Variants in SV2B observed in about 807,000 individuals in gnomAD.
SV2B encodes synaptic vesicle glycoprotein 2B, also known as solute carrier family 22 member B2.
Under a neutral mutation model 73.9 loss-of-function variants are expected in SV2B, and 41 were observed. The ratio of observed to expected loss-of-function variants is 0.56; its 90% CI spans 0.43 to 0.72. The LOEUF (loss-of-function observed/expected upper bound fraction) is 0.72, where lower values mean the gene tolerates loss of function less well. SV2B is among the 30% of genes least tolerant of loss of function. SV2B has a pLI of 0.00. For synonymous variants in SV2B, 314 were observed against 314.2 expected (o/e 1.00, Z 0.01); for missense variants, 764 against 857.8 (o/e 0.89, Z 1.37).
intron 1 of SV2B, among the ~76,000 whole-genome samples, chr15:91,221,875 C>A (rs974572540): frequency 6.6e-6 from 1 of 152,222 alleles, no homozygotes; most frequent in East Asian, 1.9e-4. Flanking sequence ...CACTGGCTCT[C>A]TTTTCTCAAA....
chr15:91,181,839 C>T (rs1407006623), intron 1 of SV2B, among the ~76,000 whole-genome samples: 2 of 151,654 alleles, frequency 1.3e-5, no homozygotes, highest in Non-Finnish European at 2.9e-5. Context: ...AAATTCACGG[C>T]ATCTGGTCTC....
intron 9 of SV2B, among the ~76,000 whole-genome samples, chr15:91,272,147 C>G (rs1043514195): frequency 1.3e-5 from 2 of 152,152 alleles, no homozygotes; most frequent in Non-Finnish European, 2.9e-5. Flanking sequence ...TTTTGGGGAT[C>G]TGGGGGCTCT....
Position 91,232,153 on chromosome 15 carries a change from G to A in SV2B, c.451+5439G>A, listed in dbSNP as rs759944941. 1.3e-5 allele frequency among the ~76,000 whole-genome samples: 2 copies of A among 152,074 alleles called. No individual in the cohort carries two copies. The highest frequency in any genetic ancestry group is 2.9e-5 in the Non-Finnish European group (2 of 68,008). On this transcript the variant is annotated intron_variant, in intron 2 of 12. Coordinates refer to ENST00000394232, the MANE Select transcript of SV2B (RefSeq NM_001323032.3). This position sits in a 1 kb window ranked among gnomAD's most constrained non-coding sequence, Gnocchi z 4.7. ...GTCTCAGAAGGGGGTGGCATGGAGG[G>A]GGGTCACTTCTGTGGCACAAAATAT...
intron 1 of SV2B, among the ~76,000 whole-genome samples, chr15:91,177,415 C>T (rs2044357766): frequency 6.6e-6 from 1 of 151,802 alleles, no homozygotes; most frequent in Admixed American, 6.6e-5. Flanking sequence ...GTAGTTTCTT[C>T]CAATTCTGTG....
chr15:91,143,475 C>T (rs2043056939), intron 1 of SV2B, among the ~76,000 whole-genome samples: 1 of 152,136 alleles, frequency 6.6e-6, no homozygotes, highest in South Asian at 2.1e-4. Context: ...AAATATCTCA[C>T]TTTTATTGTT....
In SV2B at chr15:91,281,143, G is replaced by C. The variant is rs775234679; in HGVS notation, c.1374-585G>C. On this transcript the variant is annotated intron_variant, in intron 9 of 12. Coordinates refer to ENST00000394232, the MANE Select transcript of SV2B (RefSeq NM_001323032.3). This position sits in a 1 kb window ranked among gnomAD's most constrained non-coding sequence, Gnocchi z 4.7. ...TGTATCTCTTTGAATACATGGGCAA[G>C]TATGTGTAGGATAAATTCCTAGAGG... 6.6e-6 allele frequency among the ~76,000 whole-genome samples: 1 copy of C among 152,214 alleles called. No individual in the cohort carries two copies. The highest frequency in any genetic ancestry group is 1.5e-5 in the Non-Finnish European group (1 of 68,038).
chr15:91,259,291 T>C (rs879099611), intron 5 of SV2B, among the ~76,000 whole-genome samples: 18 of 152,018 alleles, frequency 1.2e-4, no homozygotes, highest in African/African-American at 4.1e-4. Context: ...CCATGAGCCT[T>C]CCAACAGCAG....
intron 1 of SV2B, among the ~76,000 whole-genome samples, chr15:91,138,232 G>C (rs2141177923): frequency 6.6e-6 from 1 of 152,332 alleles, no homozygotes; most frequent in Non-Finnish European, 1.5e-5. Context: ...TGCAATGATA[G>C]GAATGTTCTG....
At chr15:91,208,028 G>A (rs1490208453) in intron 1 of SV2B, among the ~76,000 whole-genome samples, 1 of 152,116 alleles carries the variant, frequency 6.6e-6, no homozygotes, top group East Asian at 1.9e-4. Flanking sequence ...GGGAGAAGGG[G>A]GTCAGAGAAG....
rs1011042446 is a variant in SV2B at position 91,121,838 on chromosome 15, G to A, written c.-392+21475G>A. 2.0e-5 allele frequency among the ~76,000 whole-genome samples: 3 copies of A among 150,854 alleles called. No homozygotes were observed. The highest frequency in any genetic ancestry group is 3.4e-3 in the Middle Eastern group (1 of 294). ...CACCCAGGCTGGAGTGCAGTGGCGC[G>A]ATCTCGGCTCACTGCAAGCTCTGCC... On this transcript the variant is annotated intron_variant, in intron 1 of 12. Coordinates refer to ENST00000394232, the MANE Select transcript of SV2B (RefSeq NM_001323032.3). The surrounding 1 kb of genome is among the most constrained non-coding windows in gnomAD (Gnocchi z 4.4).
intron 2 of SV2B, among the ~76,000 whole-genome samples, chr15:91,246,319 C>G (rs1042563660): frequency 6.6e-6 from 1 of 152,106 alleles, no homozygotes; most frequent in African/African-American, 2.4e-5. Context: ...AATCCTGTGG[C>G]TTTCCAAGGT....
At chr15:91,182,908 A>T (rs2044636633) in intron 1 of SV2B, among the ~76,000 whole-genome samples, 1 of 152,224 alleles carries the variant, frequency 6.6e-6, no homozygotes, top group Non-Finnish European at 1.5e-5. Context: ...GCTGTTATTC[A>T]TCTGTATACC....
chr15:91,249,928 C>T (rs1238033263), intron 2 of SV2B, among the ~76,000 whole-genome samples: 1 of 152,172 alleles, frequency 6.6e-6, no homozygotes, highest in East Asian at 1.9e-4. Flanking sequence ...TGAATTCTAC[C>T]ACACATTTAA....
rs2044720257 is a variant in SV2B, at chr15:91,185,083, C to CT, written c.-391-40784dup. 5.3e-5 allele frequency among the ~76,000 whole-genome samples: 8 copies of CT among 152,220 alleles called. No homozygotes were observed. The South Asian group carries it at 1.7e-3, about 32-fold the overall frequency. On this transcript the variant is annotated intron_variant, in intron 1 of 12. Transcript: ENST00000394232. ...TTGAATATCAGTTAAAGGACTTTTT[C>CT]TTTTTTCAGACAAAGTCTTGTTTTG...
In SV2B at chr15:91,220,913, G is replaced by A. The variant is rs1428446767; in HGVS notation, c.-391-4960G>A. Reference sequence around the variant, plus strand: ...GGGTCTCTCTCTTTCACCCAGGCTGGAGGGCAGTGACATGATCTTGGCTCA... The same window carrying A: ...GGGTCTCTCTCTTTCACCCAGGCTGAAGGGCAGTGACATGATCTTGGCTCA... On this transcript the variant is annotated intron_variant, in intron 1 of 12. Transcript: ENST00000394232. This position sits in a 1 kb window ranked among gnomAD's most constrained non-coding sequence, Gnocchi z 4.1. 6.6e-6 allele frequency among the ~76,000 whole-genome samples: 1 copy of A among 151,846 alleles called. No individual in the cohort carries two copies.
intron 1 of SV2B, among the ~76,000 whole-genome samples, chr15:91,127,952 G>T (rs1436536753): frequency 2.0e-5 from 3 of 152,160 alleles, no homozygotes; most frequent in Non-Finnish European, 4.4e-5. Flanking sequence ...GAACTGTGAG[G>T]AAACTTGGGA....
In SV2B at chr15:91,100,612, C is replaced by T. The variant is rs1055531946; in HGVS notation, c.-392+249C>T. 6.6e-6 allele frequency among the ~76,000 whole-genome samples: 1 copy of T among 152,238 alleles called. No individual in the cohort carries two copies. Among genetic ancestry groups the T allele is most frequent in the Non-Finnish European group, 1.5e-5 (1 of 68,032 alleles). On this transcript the variant is annotated intron_variant, in intron 1 of 12. Coordinates refer to ENST00000394232, the MANE Select transcript of SV2B (RefSeq NM_001323032.3). This position sits in a 1 kb window ranked among gnomAD's most constrained non-coding sequence, Gnocchi z 6.4. ...GGCCTCCCCAAGGGCTGTTTTAAAA[C>T]CCTGTTTGAACTATTAGCGCCATAA...
In SV2B at chr15:91,121,775, G is replaced by T. The variant is rs2042342781; in HGVS notation, c.-392+21412G>T. On this transcript the variant is annotated intron_variant, in intron 1 of 12. Transcript: ENST00000394232. The surrounding 1 kb of genome is among the most constrained non-coding windows in gnomAD (Gnocchi z 4.4). ...GAAACCATCTATTTATATATTAATAGTGTTTTTTTTTTTTTTTGAGATGGA... is the reference window on the plus strand; with the variant it reads ...GAAACCATCTATTTATATATTAATATTGTTTTTTTTTTTTTTTGAGATGGA... Among the ~76,000 whole-genome samples the T allele has an allele frequency of 6.9e-6, 1 of 144,628 alleles. No homozygotes were observed. The highest frequency in any genetic ancestry group is 2.7e-5 in the African/African-American group (1 of 37,148). The allele number at this position is 144,628 out of a possible 152,430, so 94.9% of individuals were successfully genotyped here.
intron 2 of SV2B, among the ~76,000 whole-genome samples, chr15:91,233,417 G>T (rs1420328112): frequency 1.3e-5 from 2 of 152,204 alleles, no homozygotes; most frequent in Non-Finnish European, 1.5e-5. Flanking sequence ...CTGCATAAAG[G>T]ATTTGAAAGC....
Sources: gnomAD v4.1 joint callset for allele counts (sites outside exome capture counted in the v4.1 genomes callset) on GRCh38, gnomAD v4.1.1 for gene constraint, Gnocchi (gnomAD v3.1) non-coding constraint, MANE v1.5 for transcripts, NCBI Gene and HGNC (gene_info 2026-07-23, HGNC 2026-07-21) for gene names.